Variants in LRP12 observed in about 807,000 individuals in gnomAD.
The protein encoded by LRP12 is LDL receptor related protein 12.
Under a neutral mutation model 66.0 loss-of-function variants are expected in LRP12, and 14 were observed. The ratio of observed to expected loss-of-function variants is 0.21; its 90% CI spans 0.14 to 0.33. The LOEUF (loss-of-function observed/expected upper bound fraction) is 0.33. Ranked by LOEUF, LRP12 falls within the 10% of genes least tolerant of loss-of-function variation. LRP12 has a pLI of 1.00. For synonymous variants in LRP12, 357 were observed against 359.1 expected (o/e 0.99, Z 0.07); for missense variants, 889 against 1,053.4 (o/e 0.84, Z 2.16).
At chr8:104,552,257 G>GA (rs11452287) in intron 1 of LRP12, among the ~76,000 whole-genome samples, 4,658 of 152,234 alleles carry the variant, frequency 0.031, 237 homozygotes, top group African/African-American at 0.11. Context: ...TGGGGATGGG[G>GA]ATACCAAGAA....
At chr8:104,523,301 G>C (rs1811178172) in intron 2 of LRP12, among the ~76,000 whole-genome samples, 1 of 151,958 alleles carries the variant, frequency 6.6e-6, no homozygotes, top group Non-Finnish European at 1.5e-5. Context: ...TAAAATACTA[G>C]TCTATCATTT....
chr8:104,579,524 A>C (rs1189922582), intron 1 of LRP12, among the ~76,000 whole-genome samples: 1 of 152,228 alleles, frequency 6.6e-6, no homozygotes, highest in Non-Finnish European at 1.5e-5. Flanking sequence ...TTACAGATTC[A>C]ATGCTATTCC....
intron 1 of LRP12, among the ~76,000 whole-genome samples, chr8:104,543,223 T>C (rs900598510): frequency 6.6e-6 from 1 of 152,014 alleles, no homozygotes; most frequent in Non-Finnish European, 1.5e-5. Flanking sequence ...AAATTGGAGG[T>C]TTGTGGCATC....
At chr8:104,542,497 T>C (rs762093141) in intron 1 of LRP12, among the ~76,000 whole-genome samples, 1 of 152,196 alleles carries the variant, frequency 6.6e-6, no homozygotes, top group Non-Finnish European at 1.5e-5. Context: ...GTGTTTTTAA[T>C]TTTCAGGACA....
chr8:104,565,839 C>T (rs1395879728), intron 1 of LRP12, among the ~76,000 whole-genome samples: 2 of 143,020 alleles, frequency 1.4e-5, no homozygotes, highest in East Asian at 2.0e-4. Context: ...CCAGCCTCAG[C>T]GACAGAGCAA....
intron 1 of LRP12, among the ~76,000 whole-genome samples, chr8:104,546,569 C>T (rs1811560381): frequency 6.6e-6 from 1 of 152,044 alleles, no homozygotes; most frequent in South Asian, 2.1e-4. Context: ...CTCAGGTTTT[C>T]TCATACAATT....
chr8:104,543,956 A>C (rs7010175), intron 1 of LRP12, among the ~76,000 whole-genome samples: 4,660 of 152,232 alleles, frequency 0.031, 237 homozygotes, highest in African/African-American at 0.11. Flanking sequence ...AAAAATGAAG[A>C]TTAGTAAGGA....
At position 104,544,939 on chromosome 8, in the gene LRP12, G is replaced by A. The variant is rs566789692; in HGVS notation, c.80-12976C>T. Among the ~76,000 whole-genome samples the A allele has an allele frequency of 5.9e-5, 9 of 152,262 alleles. No individual in the cohort carries two copies. The South Asian group carries it at 6.2e-4, about 10-fold the overall frequency. On this transcript the variant is annotated intron_variant, in intron 1 of 6. Coordinates refer to ENST00000276654, the MANE Select transcript of LRP12 (RefSeq NM_013437.5). ...TTTGTAAGGCTATGGCTGCCACAGC[G>A]AGTCCTCTGATGGGATCCAGGCAAA...
intron 5 of LRP12, 134 bp downstream of exon 5, chr8:104,496,838 A>G (rs907868250): frequency 1.2e-6 from 1 of 832,322 alleles, no homozygotes; most frequent in Non-Finnish European, 1.7e-6. Context: ...CGCTAATTTT[A>G]TACATCATCA....
rs900783018 is a variant in LRP12, at chr8:104,490,517, A to C, written c.*156T>G. The C allele has an allele frequency of 2.7e-6, 2 of 748,072 alleles. No individual in the cohort carries two copies. The allele number at this position is 748,072 out of a possible 1,614,324, so 46.3% of individuals were successfully genotyped here. The stretch of plus-strand genomic sequence containing the variant: ...GTAAACTCTAAGTTCATAGAGTTAC[A>C]AGTTGTCGAATTTAACCATGCAGGC... On this transcript the variant is annotated 3_prime_UTR_variant, in exon 7 of 7. Transcript: ENST00000276654.
chr8:104,549,777 A>C (rs1462604277), intron 1 of LRP12, among the ~76,000 whole-genome samples: 1 of 152,144 alleles, frequency 6.6e-6, no homozygotes, highest in Non-Finnish European at 1.5e-5. Flanking sequence ...GTTTCAATTC[A>C]TCTGGATACT....
chr8:104,542,113 C>A (rs1298628021), intron 1 of LRP12, among the ~76,000 whole-genome samples: 1 of 152,098 alleles, frequency 6.6e-6, no homozygotes, highest in Non-Finnish European at 1.5e-5. Context: ...ACATTCTGAT[C>A]AGCAACACAT....
At chr8:104,566,233 AT>A in intron 1 of LRP12, 1 of 598,700 alleles carries the variant, frequency 1.7e-6, no homozygotes. Flanking sequence ...TACAGAACAG[AT>A]TACAAATGAG....
intron 6 of LRP12, among the ~76,000 whole-genome samples, chr8:104,493,619 C>G (rs1287755071): frequency 6.6e-6 from 1 of 152,234 alleles, no homozygotes; most frequent in Admixed American, 6.5e-5. Context: ...ACCACACCAA[C>G]AGTGTCATGT....
intron 1 of LRP12, among the ~76,000 whole-genome samples, chr8:104,552,067 C>A (rs183571532): frequency 6.6e-6 from 1 of 152,244 alleles, no homozygotes; most frequent in East Asian, 1.9e-4. Flanking sequence ...CACGAGTGAA[C>A]GAAGTCAGAA....
At chr8:104,558,404 T>C (rs1472113057) in intron 1 of LRP12, among the ~76,000 whole-genome samples, 5 of 152,182 alleles carry the variant, frequency 3.3e-5, no homozygotes, top group East Asian at 1.9e-4. Context: ...GGAGGTCACA[T>C]GTAGAAGAAT....
intron 5 of LRP12, chr8:104,495,456 G>A (rs1338755584): frequency 2.7e-6 from 1 of 364,656 alleles, no homozygotes; most frequent in Non-Finnish European, 4.9e-6. Context: ...TTTAATAAAT[G>A]AAAATCCCTG....
At chr8:104,503,297 A>G (rs1396502029) in intron 3 of LRP12, among the ~76,000 whole-genome samples, 1 of 132,500 alleles carries the variant, frequency 7.5e-6, no homozygotes, top group Non-Finnish European at 1.5e-5. Flanking sequence ...ACTGCACTCC[A>G]GCCTGGGTGA....
intron 1 of LRP12, among the ~76,000 whole-genome samples, chr8:104,580,560 T>G (rs1053815378): frequency 6.7e-6 from 1 of 150,110 alleles, no homozygotes; most frequent in African/African-American, 2.4e-5. Context: ...AAACAAAAAA[T>G]TAATCTAAAT....
Sources: allele counts gnomAD v4.1 joint callset (sites outside exome capture counted in the v4.1 genomes callset), GRCh38; gene constraint gnomAD v4.1.1; transcripts MANE v1.5; gene names NCBI Gene and HGNC (gene_info 2026-07-23, HGNC 2026-07-21).